SLC4A10: variants seen among roughly 807,000 people sequenced by gnomAD.
SLC4A10 encodes solute carrier family 4 member 10.
A neutral mutation model predicts 137.7 loss-of-function variants in SLC4A10; 42 were observed. The ratio of observed to expected loss-of-function variants is 0.30; its 90% CI spans 0.24 to 0.39. SLC4A10 has a LOEUF of 0.39. Among genes scored for constraint, SLC4A10 ranks in the 10% least tolerant of loss-of-function variants. SLC4A10 has a pLI of 1.00. For synonymous variants in SLC4A10, 474 were observed against 464.1 expected (o/e 1.02, Z -0.27); for missense variants, 925 against 1,355.0 (o/e 0.68, Z 4.98).
At chr2:161,771,937 GT>G (rs1431218547) in intron 2 of SLC4A10, among the ~76,000 whole-genome samples, 1 of 151,640 alleles carries the variant, frequency 6.6e-6, no homozygotes, top group East Asian at 1.9e-4. Context: ...AGAGGTAAGG[GT>G]TTTTTCATTT....
chr2:161,863,320 T>A (rs984227916), intron 6 of SLC4A10, among the ~76,000 whole-genome samples: 61 of 152,248 alleles, frequency 4.0e-4, no homozygotes, highest in Non-Finnish European at 8.4e-4. Context: ...AACTTTTAGA[T>A]TTGGCTGCAG....
intron 1 of SLC4A10, among the ~76,000 whole-genome samples, chr2:161,769,088 G>A (rs1005713710): frequency 6.6e-6 from 1 of 151,872 alleles, no homozygotes; most frequent in Non-Finnish European, 1.5e-5. Context: ...AAGCAGTTCT[G>A]GAATTTCAAC....
chr2:161,964,053 G>A, intron 21 of SLC4A10, 82 bp from the exon 22 acceptor site: 5 of 1,254,704 alleles, frequency 4.0e-6, no homozygotes, highest in Non-Finnish European at 5.4e-6. Context: ...ACCCAAAATT[G>A]TGGACCATAT....
intron 16 of SLC4A10, among the ~76,000 whole-genome samples, chr2:161,944,253 T>G (rs1202129728): frequency 6.6e-6 from 1 of 151,894 alleles, no homozygotes; most frequent in Non-Finnish European, 1.5e-5. Context: ...AAATCATTAG[T>G]GGGTCTTCTG....
chr2:161,688,922 C>T (rs2041705550), intron 1 of SLC4A10, among the ~76,000 whole-genome samples: 1 of 151,906 alleles, frequency 6.6e-6, no homozygotes. Context: ...CTTGGTGATC[C>T]TGACCCTGTG....
At chr2:161,835,039 CT>C (rs5835884) in intron 3 of SLC4A10, among the ~76,000 whole-genome samples, 42,667 of 134,860 alleles carry the variant, frequency 0.32, 6,211 homozygotes, top group African/African-American at 0.4. Flanking sequence ...GACTATATGT[CT>C]TTTTTTTTTT....
chr2:161,727,079 A>G (rs1483713052), intron 1 of SLC4A10, among the ~76,000 whole-genome samples: 1 of 152,208 alleles, frequency 6.6e-6, no homozygotes, highest in Non-Finnish European at 1.5e-5. Context: ...GGGTTATTCA[A>G]ATTTGCTTTG....
chr2:161,906,973 G>A (rs1343656584), intron 15 of SLC4A10, among the ~76,000 whole-genome samples: 3 of 149,632 alleles, frequency 2.0e-5, no homozygotes, highest in Admixed American at 6.7e-5. Context: ...GGAGAATGGC[G>A]TGAACCCGGG....
intron 1 of SLC4A10, among the ~76,000 whole-genome samples, chr2:161,743,638 T>C (rs2048131603): frequency 6.6e-6 from 1 of 152,146 alleles, no homozygotes; most frequent in African/African-American, 2.4e-5. Context: ...TGGTTCCATA[T>C]ACATTTTTGG....
intron 3 of SLC4A10, among the ~76,000 whole-genome samples, chr2:161,821,634 C>A (rs1017412225): frequency 6.6e-6 from 1 of 152,202 alleles, no homozygotes; most frequent in Non-Finnish European, 1.5e-5. Context: ...ATAAAAATAA[C>A]AATTTTTAAC....
At position 161,636,717 on chromosome 2, in the gene SLC4A10, T is replaced by A. The variant is rs993500249; in HGVS notation, c.48+12151T>A. On this transcript the variant is annotated intron_variant, in intron 1 of 26. Transcript: ENST00000446997. ...CTTTTTATTTTTTTAAGAGACAAGG[T>A]CTTGCTCTGTCACCCAGGCTGGAGT... Among the ~76,000 whole-genome samples, 6 of 152,010 alleles carry A rather than the reference T, an allele frequency of 3.9e-5. No individual in the cohort carries two copies. In the South Asian group the frequency reaches 1.2e-3, roughly 32 times the overall value.
rs1030383590 is a variant in SLC4A10, at chr2:161,703,514, C to T, written c.49-67459C>T. On this transcript the variant is annotated intron_variant, in intron 1 of 26. Transcript: ENST00000446997. ...GAAATTTTATGGATGATTCTCCCCACTTTTTTGATCTTTATGTTTTCTTCT... is the reference window on the plus strand; with the variant it reads ...GAAATTTTATGGATGATTCTCCCCATTTTTTTGATCTTTATGTTTTCTTCT... 4.0e-5 allele frequency among the ~76,000 whole-genome samples: 6 copies of T among 151,644 alleles called. No individual in the cohort carries two copies. In the East Asian group the frequency reaches 1.2e-3, roughly 29 times the overall value.
intron 1 of SLC4A10, 62 bp downstream of exon 1, chr2:161,624,628 C>T: frequency 6.5e-7 from 1 of 1,549,304 alleles, no homozygotes; most frequent in Non-Finnish European, 8.7e-7. Context: ...GTTAGGCAAG[C>T]GGTCTGCTAG....
chr2:161,832,159 A>G (rs2058474217), intron 3 of SLC4A10, among the ~76,000 whole-genome samples: 2 of 152,230 alleles, frequency 1.3e-5, no homozygotes, highest in Admixed American at 1.3e-4. Flanking sequence ...ATATCCCGCT[A>G]CATGTGCAGC....
intron 1 of SLC4A10, among the ~76,000 whole-genome samples, chr2:161,729,744 T>C (rs1289374473): frequency 1.3e-5 from 2 of 152,168 alleles, no homozygotes; most frequent in African/African-American, 2.4e-5. Flanking sequence ...GAGAAGTTGA[T>C]GCAAACAGGG....
At chr2:161,968,995 C>T (rs150725264) in intron 23 of SLC4A10, among the ~76,000 whole-genome samples, 6 of 152,268 alleles carry the variant, frequency 3.9e-5, no homozygotes, top group East Asian at 1.9e-4. Flanking sequence ...AGGTGGTAAA[C>T]GGACAAGTTC....
chr2:161,696,029 A>G (rs1312040329), intron 1 of SLC4A10, among the ~76,000 whole-genome samples: 1 of 151,004 alleles, frequency 6.6e-6, no homozygotes, highest in Non-Finnish European at 1.5e-5. Context: ...CATCATTTAC[A>G]TTAGATATAT....
intron 3 of SLC4A10, among the ~76,000 whole-genome samples, chr2:161,807,763 G>A (rs1052698275): frequency 3.3e-5 from 5 of 151,948 alleles, no homozygotes; most frequent in Admixed American, 1.3e-4. Flanking sequence ...TTAATAGGAA[G>A]CAGCATTTTA....
At chr2:161,709,855 C>T (rs1279895062) in intron 1 of SLC4A10, 2 of 151,550 alleles carry the variant, frequency 1.3e-5, no homozygotes, top group Admixed American at 1.3e-4. Flanking sequence ...AAATATTGTA[C>T]ATGCTTCTGC....
Sources: gnomAD v4.1 joint callset for allele counts (sites outside exome capture counted in the v4.1 genomes callset) on GRCh38, gnomAD v4.1.1 for gene constraint, MANE v1.5 for transcripts, NCBI Gene and HGNC (gene_info 2026-07-23, HGNC 2026-07-21) for gene names.